The following XRCC4 variants were observed in gnomAD, a reference collection of about 807,000 sequenced individuals.
XRCC4 encodes X-ray repair cross complementing 4, also known as DNA repair protein XRCC4.
In XRCC4, 28 loss-of-function variants were observed where a neutral mutation model predicts 39.1. The ratio of observed to expected loss-of-function variants is 0.72; its 90% CI spans 0.53 to 0.98. The LOEUF is 0.98. XRCC4 is among the 50% of genes least tolerant of loss of function. XRCC4 has a pLI of 0.00. For missense variants in XRCC4, 350 were observed against 376.4 expected (o/e 0.93, Z 0.58); for synonymous variants, 123 against 126.4 (o/e 0.97, Z 0.18).
At chr5:83,366,855 C>T in the XRCC4 span, among the ~76,000 whole-genome samples, 2 of 152,118 alleles carry the variant, frequency 1.3e-5, 1 homozygote, top group East Asian at 3.9e-4. Flanking sequence ...CTTCCCAGAC[C>T]ACCCTATGTA....
At chr5:83,303,212 CAAAAAAAAAAA>C (rs760220069) in intron 7 of XRCC4, among the ~76,000 whole-genome samples, 1 of 62,872 alleles carries the variant, frequency 1.6e-5, no homozygotes, top group Non-Finnish European at 3.9e-5. Context: ...GACTCCGTCT[CAAAAAAAAAAA>C]AAAAAAAAAA....
At position 83,203,476 on chromosome 5, in the gene XRCC4, CTTGA is replaced by C. The variant is rs896691028; in HGVS notation, c.483-73_483-70del. 34 of 1,249,174 alleles carry C rather than the reference CTTGA, an allele frequency of 2.7e-5. No homozygotes were observed. In the African/African-American group the frequency reaches 3.0e-4, roughly 11 times the overall value. 77.4% of individuals were successfully genotyped at this position (1,249,174 alleles called of 1,614,324 possible). A position where few individuals can be genotyped will look rare whatever the true frequency, so the allele number is the denominator to read the frequency against. ...TTAATTGTATTTTCCTTGAAATCTTCTTGATTATTAGGCTGAATTATGTTAATGC... is the reference window on the plus strand; with the variant it reads ...TTAATTGTATTTTCCTTGAAATCTTCTTATTAGGCTGAATTATGTTAATGC... On this transcript the variant is annotated intron_variant, in intron 4 of 7. Coordinates refer to ENST00000396027, the MANE Select transcript of XRCC4 (RefSeq NM_003401.5).
intron 6 of XRCC4, among the ~76,000 whole-genome samples, chr5:83,219,635 C>A (rs1752004883): frequency 6.6e-6 from 1 of 152,232 alleles, no homozygotes; most frequent in South Asian, 2.1e-4. Flanking sequence ...AAGGTTGCCA[C>A]TAGCTACATG....
intron 6 of XRCC4, among the ~76,000 whole-genome samples, chr5:83,211,729 T>C (rs1304453089): frequency 2.6e-5 from 4 of 152,140 alleles, no homozygotes; most frequent in Non-Finnish European, 4.4e-5. Flanking sequence ...AGTAACCCAT[T>C]TGGAGCTAGG....
chr5:83,195,644 G>A, intron 3 of XRCC4, 126 bp from the exon 4 acceptor site: 1 of 907,994 alleles, frequency 1.1e-6, no homozygotes, highest in Non-Finnish European at 1.5e-6. Flanking sequence ...TGTATATCTT[G>A]TAAATGCATT....
intron 3 of XRCC4, among the ~76,000 whole-genome samples, chr5:83,172,066 A>G (rs1355844060): frequency 6.6e-6 from 1 of 152,166 alleles, no homozygotes; most frequent in Non-Finnish European, 1.5e-5. Flanking sequence ...TGATTTGCAA[A>G]GGACAATACA....
At chr5:83,320,390 T>G (rs201361874) in intron 7 of XRCC4, among the ~76,000 whole-genome samples, 1 of 137,968 alleles carries the variant, frequency 7.2e-6, no homozygotes, top group Non-Finnish European at 1.6e-5. Flanking sequence ...AATAAAAAAA[T>G]AAAAAAAAAA....
the XRCC4 span, among the ~76,000 whole-genome samples, chr5:83,365,826 A>T: frequency 6.6e-6 from 1 of 152,342 alleles, no homozygotes; most frequent in South Asian, 2.1e-4. Context: ...AATTAAGATG[A>T]TCTTTCCGAT....
the XRCC4 span, among the ~76,000 whole-genome samples, chr5:83,363,200 T>G: frequency 6.6e-6 from 1 of 152,098 alleles, no homozygotes; most frequent in African/African-American, 2.4e-5. Flanking sequence ...AAGTTTGAGC[T>G]GAACTTCAGG....
At chr5:83,244,036 G>T (rs1022645931) in intron 6 of XRCC4, among the ~76,000 whole-genome samples, 9 of 152,240 alleles carry the variant, frequency 5.9e-5, no homozygotes, top group African/African-American at 1.7e-4. Flanking sequence ...CAAATATAAT[G>T]TGCAAAGTTA....
chr5:83,304,463 G>C (rs1380170607), intron 7 of XRCC4, among the ~76,000 whole-genome samples: 1 of 152,198 alleles, frequency 6.6e-6, no homozygotes, highest in East Asian at 1.9e-4. Context: ...TGTGATATTA[G>C]AATACACCTA....
intron 7 of XRCC4, among the ~76,000 whole-genome samples, chr5:83,276,874 GAATCTTGTTATAATTTGTTGCTTATA>G (rs2112942841): frequency 3.3e-5 from 5 of 152,054 alleles, no homozygotes; most frequent in Admixed American, 1.3e-4. Context: ...GCTTATAACA[GAATCTTGTTATAATTTGTTGCTTATA>G]ACAGAATCTT....
chr5:83,316,481 A>T (rs1255781661), intron 7 of XRCC4, among the ~76,000 whole-genome samples: 1 of 151,274 alleles, frequency 6.6e-6, no homozygotes, highest in East Asian at 2.0e-4. Context: ...AGACACACAT[A>T]GGCTCAAAAT....
chr5:83,294,343 A>G (rs1755023895), intron 7 of XRCC4, among the ~76,000 whole-genome samples: 2 of 152,030 alleles, frequency 1.3e-5, no homozygotes, highest in South Asian at 4.1e-4. Flanking sequence ...GAAATTTAAA[A>G]TGTTGGTATT....
chr5:83,316,425 A>G (rs544083368), intron 7 of XRCC4, among the ~76,000 whole-genome samples: 3,259 of 151,596 alleles, frequency 0.021, 58 homozygotes, highest in Non-Finnish European at 0.032. Flanking sequence ...ATAAAGAGTC[A>G]AGACCCATCA....
At chr5:83,370,617 T>C in the XRCC4 span, among the ~76,000 whole-genome samples, 1 of 152,162 alleles carries the variant, frequency 6.6e-6, no homozygotes, top group South Asian at 2.1e-4. Flanking sequence ...ACCTTGTTCC[T>C]ACTTGGGCTT....
chr5:83,262,491 T>C (rs1164857813), intron 7 of XRCC4, among the ~76,000 whole-genome samples: 1 of 152,008 alleles, frequency 6.6e-6, no homozygotes, highest in Non-Finnish European at 1.5e-5. Flanking sequence ...TTATTTTGAC[T>C]CAATATACAG....
intron 3 of XRCC4, among the ~76,000 whole-genome samples, chr5:83,140,418 A>G (rs929931660): frequency 7.2e-5 from 11 of 152,126 alleles, no homozygotes; most frequent in African/African-American, 2.4e-4. Context: ...CTCAGCAAGC[A>G]GCTTATCCCA....
intron 3 of XRCC4, among the ~76,000 whole-genome samples, chr5:83,186,598 TC>T (rs1750449955): frequency 6.6e-6 from 1 of 152,240 alleles, no homozygotes; most frequent in Admixed American, 6.5e-5. Context: ...GTCCTTTTTG[TC>T]ACATAAGGTA....
Sources: gnomAD v4.1 joint callset for allele counts (sites outside exome capture counted in the v4.1 genomes callset) on GRCh38, gnomAD v4.1.1 for gene constraint, MANE v1.5 for transcripts, NCBI Gene and HGNC (gene_info 2026-07-23, HGNC 2026-07-21) for gene names.